Variants in PRKCQ observed in about 807,000 individuals in gnomAD.
The protein encoded by PRKCQ is protein kinase C theta.
Under a neutral mutation model 91.2 loss-of-function variants are expected in PRKCQ, and 41 were observed. The ratio of observed to expected loss-of-function variants is 0.45; its 90% confidence interval spans 0.35 to 0.58. The LOEUF is 0.58. PRKCQ is among the 20% of genes least tolerant of loss of function. PRKCQ has a pLI of 0.00. For missense variants in PRKCQ, 673 were observed against 896.5 expected, an observed-to-expected ratio of 0.75 and a Z score of 3.18; for synonymous variants, 307 against 316.9, an observed-to-expected ratio of 0.97 and a Z score of 0.33.
chr10:6,413,643 A>G, the PRKCQ span, among the ~76,000 whole-genome samples: 4 of 131,134 alleles, frequency 3.1e-5, no homozygotes, highest in African/African-American at 1.3e-4. Context: ...TTGTGCACAC[A>G]CACACACACT....
chr10:6,529,668 T>C (rs868157114), intron 1 of PRKCQ, among the ~76,000 whole-genome samples: 34 of 152,352 alleles, frequency 2.2e-4, no homozygotes, highest in Middle Eastern at 6.8e-3. Flanking sequence ...GTTGGTGTCA[T>C]GGAGTATAGG....
the PRKCQ span, among the ~76,000 whole-genome samples, chr10:6,402,676 C>A: frequency 6.6e-6 from 1 of 152,158 alleles, no homozygotes; most frequent in Admixed American, 6.5e-5. Flanking sequence ...TGGCTCATGC[C>A]CGTAAATCCC....
At chr10:6,555,934 G>A (rs903616787) in intron 1 of PRKCQ, among the ~76,000 whole-genome samples, 2 of 152,046 alleles carry the variant, frequency 1.3e-5, no homozygotes, top group South Asian at 2.1e-4. Context: ...GCTTGAAACC[G>A]GGAGGCAGAG....
intron 2 of PRKCQ, chr10:6,512,159 T>G (rs1003819476): frequency 1.3e-4 from 20 of 152,238 alleles, no homozygotes; most frequent in African/African-American, 3.6e-4. Flanking sequence ...TTTACATTTT[T>G]TTCCATTTGA....
rs1833168546 is a variant in PRKCQ, at chr10:6,427,416, T to C, written c.*791A>G. 1 of 152,246 alleles carries C rather than the reference T, an allele frequency of 6.6e-6. No homozygotes were observed. The highest frequency in any genetic ancestry group is 6.5e-5 in the Admixed American group (1 of 15,276). The allele number at this position is 152,246 out of a possible 1,614,324, so 9.4% of individuals were successfully genotyped here. On this transcript the variant is annotated 3_prime_UTR_variant, in exon 18 of 18. Coordinates refer to ENST00000263125, the MANE Select transcript of PRKCQ (RefSeq NM_006257.5). ...AGACTTATGCACTTCATTTCTTTTC[T>C]TGTTATAGTGTGAGAATGGCAGTGA...
chr10:6,565,409 A>G (rs764577090), intron 1 of PRKCQ, among the ~76,000 whole-genome samples: 27 of 152,228 alleles, frequency 1.8e-4, no homozygotes, highest in Non-Finnish European at 3.5e-4. Flanking sequence ...TTCTCTATGA[A>G]AATAATAAAA....
At chr10:6,513,857 C>T (rs1838616803) in intron 2 of PRKCQ, among the ~76,000 whole-genome samples, 1 of 152,288 alleles carries the variant, frequency 6.6e-6, no homozygotes, top group East Asian at 1.9e-4. Context: ...CTTGTATCTG[C>T]AAATGTCCCT....
At chr10:6,402,163 G>T in the PRKCQ span, among the ~76,000 whole-genome samples, 1 of 151,896 alleles carries the variant, frequency 6.6e-6, no homozygotes, top group Non-Finnish European at 1.5e-5. Context: ...ACGCATGGAC[G>T]CAGGGAGGGG....
chr10:6,403,748 C>T, the PRKCQ span, among the ~76,000 whole-genome samples: 6 of 152,208 alleles, frequency 3.9e-5, no homozygotes, highest in Non-Finnish European at 8.8e-5. Flanking sequence ...GCTAAAGGGT[C>T]TGCATGATGC....
intron 14 of PRKCQ, among the ~76,000 whole-genome samples, chr10:6,458,727 T>C (rs1835161897): frequency 6.6e-6 from 1 of 152,106 alleles, no homozygotes; most frequent in Non-Finnish European, 1.5e-5. Flanking sequence ...GCTTGTCTCA[T>C]GGGGTCCTGT....
rs117135641 is a variant in PRKCQ at position 6,537,852 on chromosome 10, C to A, written c.-9-22708G>T. Among the ~76,000 whole-genome samples the A allele has an allele frequency of 4.9e-3, 739 of 152,334 alleles. 27 individuals carry two copies. In the East Asian group the frequency reaches 0.077, roughly 16 times the overall value. The stretch of plus-strand genomic sequence containing the variant: ...CTCAGGGCTAGGGAGGGCAAGCTAA[C>A]TTTCCCCTTTTCTGGTTCCTCTTCC... On this transcript the variant is annotated intron_variant, in intron 1 of 17. Transcript: ENST00000263125.
Position 6,511,113 on chromosome 10 carries a change from C to T in PRKCQ, c.200G>A (p.Gly67Glu), listed in dbSNP as rs772748628. 1.9e-5 allele frequency: 31 copies of T among 1,614,048 alleles called. No homozygotes were observed. The highest frequency in any genetic ancestry group is 1.6e-4 in the East Asian group (7 of 44,900). ...DSTFDAHINKGRVMQIIVKGK... is the reference protein window; with the variant it reads ...DSTFDAHINKERVMQIIVKGK... ...TTTCACAATGATCTGCATGACTCTT[C>T]CCTTGTTGATATGGGCATCAAAAGT... Residue 67 changes from glycine to glutamate, a missense_variant, in exon 3 of 18, where the codon GGA becomes GAA. By Grantham distance (98) the Gly-to-Glu change is moderately conservative. Coordinates refer to ENST00000263125, the MANE Select transcript of PRKCQ (RefSeq NM_006257.5).
Position 6,576,091 on chromosome 10 carries a change from C to G in PRKCQ, c.-10+4120G>C, listed in dbSNP as rs1841225089. Among the ~76,000 whole-genome samples, 1 of 152,022 alleles carries G rather than the reference C, an allele frequency of 6.6e-6. No individual in the cohort carries two copies. The highest frequency in any genetic ancestry group is 6.6e-5 in the Admixed American group (1 of 15,264). ...GCTGAGAATGTGGAATAATTGGGAC[C>G]CTTTCTACCACTGGTGGGAATGTAA... On this transcript the variant is annotated intron_variant, in intron 1 of 17. Transcript: ENST00000263125. The surrounding 1 kb of genome is among the most constrained non-coding windows in gnomAD (Gnocchi z 4.2).
Position 6,428,258 on chromosome 10 carries a change from C to T in PRKCQ, c.2070G>A (p.Met690Ile). The change falls in exon 18 of 18, where the codon ATG (methionine) becomes ATA (isoleucine). Residue 690 changes from methionine (M) to isoleucine (I), a missense_variant. Transcript: ENST00000263125. ...RALINSMDQNMFRNFSFMNPG... is the reference protein window; with the variant it reads ...RALINSMDQNIFRNFSFMNPG... ...GGTTCATGAAGGAAAAGTTCCTGAA[C>T]ATATTCTGGTCCATGCTGTTGATCA... 6.2e-7 allele frequency: 1 copy of T among 1,614,202 alleles called. No individual in the cohort carries two copies. The highest frequency in any genetic ancestry group is 1.1e-5 in the South Asian group (1 of 91,082).
chr10:6,578,939 G>A (rs1405298526), intron 1 of PRKCQ, among the ~76,000 whole-genome samples: 1 of 152,206 alleles, frequency 6.6e-6, no homozygotes, highest in African/African-American at 2.4e-5. Flanking sequence ...AATAGGGCTT[G>A]TCTATCACAC....
chr10:6,478,987 C>T lies in PRKCQ; in HGVS notation c.1353+5G>A. The T allele has an allele frequency of 6.2e-7, 1 of 1,613,880 alleles. No homozygotes were observed. Among genetic ancestry groups the T allele is most frequent in the Non-Finnish European group, 8.5e-7 (1 of 1,179,852 alleles). On this transcript the variant is annotated splice_donor_5th_base_variant and intron_variant, in intron 12 of 17. Transcript: ENST00000263125. The stretch of plus-strand genomic sequence containing the variant: ...GAGGTAGGGTTGTCGGAGCAGAAGC[C>T]ATACCTTGGTCTGGAATGTACAAAA...
At chr10:6,566,814 G>A (rs978551188) in intron 1 of PRKCQ, among the ~76,000 whole-genome samples, 2 of 152,086 alleles carry the variant, frequency 1.3e-5, no homozygotes, top group African/African-American at 2.4e-5. Context: ...GGTTTCTAGG[G>A]AGCTGGCCCG....
rs182535478 is a variant in PRKCQ at position 6,571,720 on chromosome 10, C to T, written c.-10+8491G>A. On this transcript the variant is annotated intron_variant, in intron 1 of 17. Transcript: ENST00000263125. Reference sequence around the variant, plus strand: ...ACTCTCGAGGCTGACACAATAATTGCTTGAGCCTGGGAGGCAGATGTTGCA... The same window carrying T: ...ACTCTCGAGGCTGACACAATAATTGTTTGAGCCTGGGAGGCAGATGTTGCA... 3.3e-4 allele frequency among the ~76,000 whole-genome samples: 51 copies of T among 152,286 alleles called. No individual in the cohort carries two copies. In the East Asian group the frequency reaches 8.7e-3, roughly 26 times the overall value.
In PRKCQ at chr10:6,491,677, A is replaced by G; in HGVS notation, c.790+6T>C. ...TCGGGCCATGCTCATCCCCCACTGG[A>G]CTCACCATCACACTTGAGTCCTTGC... On this transcript the variant is annotated splice_donor_region_variant and intron_variant, in intron 8 of 17. Coordinates refer to ENST00000263125, the MANE Select transcript of PRKCQ (RefSeq NM_006257.5). 3 of 1,613,956 alleles carry G rather than the reference A, an allele frequency of 1.9e-6. No homozygotes were observed. Among genetic ancestry groups the G allele is most frequent in the Non-Finnish European group, 1.7e-6 (2 of 1,179,958 alleles).
Sources: allele counts gnomAD v4.1 joint callset (sites outside exome capture counted in the v4.1 genomes callset), GRCh38; gene constraint gnomAD v4.1.1; non-coding constraint Gnocchi (gnomAD v3.1); transcripts MANE v1.5; gene names NCBI Gene and HGNC (gene_info 2026-07-23, HGNC 2026-07-21).